GALNT15: variants seen among roughly 807,000 people sequenced by gnomAD.
The protein encoded by GALNT15 is UDP-GalNAc transferase T15.
GALNT15 carries 67 observed loss-of-function variants against 66.8 expected under a neutral mutation model. The ratio of observed to expected loss-of-function variants is 1.00; its 90% CI spans 0.82 to 1.23. The LOEUF (loss-of-function observed/expected upper bound fraction) is 1.23. GALNT15 is among the 50% of genes most tolerant of loss of function. The pLI is 0.00. For synonymous variants in GALNT15, 313 were observed against 311.5 expected (o/e 1.00, Z -0.05); for missense variants, 827 against 804.3 (o/e 1.03, Z -0.34).
Position 16,224,408 on chromosome 3 carries a change from C to A in GALNT15, c.1773+1650C>A, listed in dbSNP as rs185075310. Among the ~76,000 whole-genome samples the A allele has an allele frequency of 4.7e-4, 71 of 152,150 alleles. No individual in the cohort carries two copies. In the East Asian group the frequency reaches 0.013, roughly 27 times the overall value. ...TTATGCTGGTGAAATAAACCCATCA[C>A]AAAAGGACAAAAACTGTATGATTCC... On this transcript the variant is annotated intron_variant, in intron 9 of 9. Transcript: ENST00000339732. This position sits in a 1 kb window ranked among gnomAD's most constrained non-coding sequence, Gnocchi z 5.2.
At position 16,219,906 on chromosome 3, in the gene GALNT15, T is replaced by G; in HGVS notation, c.1525-4T>G. 6.2e-7 allele frequency: 1 copy of G among 1,612,140 alleles called. No homozygotes were observed. The highest frequency in any genetic ancestry group is 8.5e-7 in the Non-Finnish European group (1 of 1,178,210). On this transcript the variant is annotated splice_region_variant and splice_polypyrimidine_tract_variant and intron_variant, in intron 7 of 9. Coordinates refer to ENST00000339732, the MANE Select transcript of GALNT15 (RefSeq NM_054110.5). The surrounding 1 kb of genome is among the most constrained non-coding windows in gnomAD (Gnocchi z 4.3). ...TTCACTCCTGTGTGTGTGTCCACTT[T>G]CAGCTCCACAACACTGGACTTGGGC... is the stretch of plus-strand genomic sequence containing the variant.
At chr3:16,199,985 C>T (rs1019684082) in intron 2 of GALNT15, among the ~76,000 whole-genome samples, 1 of 152,148 alleles carries the variant, frequency 6.6e-6, no homozygotes, top group African/African-American at 2.4e-5. Flanking sequence ...TAAAGAACTG[C>T]CTGAGACTAG....
At chr3:16,208,050 T>C (rs994935987) in intron 3 of GALNT15, among the ~76,000 whole-genome samples, 1 of 152,036 alleles carries the variant, frequency 6.6e-6, no homozygotes, top group African/African-American at 2.4e-5. Context: ...TCAAGAAAGG[T>C]TTTTGAAGAA....
rs1575002443 is a variant in GALNT15 at position 16,227,695 on chromosome 3, A to T, written c.*195A>T. ...TATTTCATTGACTGCTGGCTGCTTT[A>T]AAAAAAAAAAAAAAGGATCCATTGT... On this transcript the variant is annotated 3_prime_UTR_variant, in exon 10 of 10. Transcript: ENST00000339732. This position sits in a 1 kb window ranked among gnomAD's most constrained non-coding sequence, Gnocchi z 4.5. 1.9e-4 allele frequency: 9 copies of T among 48,632 alleles called. No homozygotes were observed. The highest frequency in any genetic ancestry group is 2.5e-4 in the Non-Finnish European group (9 of 35,396). The allele number at this position is 48,632 out of a possible 1,614,324, so 3.0% of individuals were successfully genotyped here. A position where few individuals can be genotyped will look rare whatever the true frequency, so the allele number is the denominator to read the frequency against.
At chr3:16,199,593 C>T (rs114268163) in intron 2 of GALNT15, among the ~76,000 whole-genome samples, 3,557 of 127,146 alleles carry the variant, frequency 0.028, 651 homozygotes, top group African/African-American at 0.098. Context: ...GGTGTACTCT[C>T]AGGGGAAATC....
intron 1 of GALNT15, among the ~76,000 whole-genome samples, chr3:16,185,016 G>T (rs1303240620): frequency 6.6e-6 from 1 of 152,316 alleles, no homozygotes; most frequent in Non-Finnish European, 1.5e-5. Context: ...GCCATTAGAA[G>T]TTGGGCCGTC....
chr3:16,205,117 C>A (rs2063743945), intron 3 of GALNT15, among the ~76,000 whole-genome samples: 1 of 152,196 alleles, frequency 6.6e-6, no homozygotes, highest in Non-Finnish European at 1.5e-5. Context: ...CGTATCTGCC[C>A]CTGGAAAAGC....
chr3:16,212,908 G>T, intron 6 of GALNT15, 145 bp downstream of exon 6: 1 of 680,330 alleles, frequency 1.5e-6, no homozygotes, highest in Non-Finnish European at 2.4e-6. Context: ...ATTTTAAGTG[G>T]CTCCTCCACC....
chr3:16,228,901 C>T lies in GALNT15; in HGVS notation c.*1401C>T. ...TGAATGTCCATGAGTGTGGGAAGAA[C>T]ACGGCTCATCTGGAGCACAGCTGAG... On this transcript the variant is annotated 3_prime_UTR_variant, in exon 10 of 10. Coordinates refer to ENST00000339732, the MANE Select transcript of GALNT15 (RefSeq NM_054110.5). 1.0e-6 allele frequency: 1 copy of T among 985,418 alleles called. No individual in the cohort carries two copies. Among genetic ancestry groups the T allele is most frequent in the Non-Finnish European group, 1.2e-6 (1 of 829,942 alleles). 61.0% of individuals were successfully genotyped at this position (985,418 alleles called of 1,614,324 possible). A position where few individuals can be genotyped will look rare whatever the true frequency, so the allele number is the denominator to read the frequency against.
chr3:16,228,886 T>C lies in GALNT15; in HGVS notation c.*1386T>C, dbSNP rs1217603659. The C allele has an allele frequency of 1.0e-6, 1 of 985,300 alleles. No homozygotes were observed. The highest frequency in any genetic ancestry group is 1.2e-6 in the Non-Finnish European group (1 of 829,952). The allele number at this position is 985,300 out of a possible 1,614,324, so 61.0% of individuals were successfully genotyped here. On this transcript the variant is annotated 3_prime_UTR_variant, in exon 10 of 10. Coordinates refer to ENST00000339732, the MANE Select transcript of GALNT15 (RefSeq NM_054110.5). ...AATGTGTCCACAGGTTGAATGTCCATGAGTGTGGGAAGAACACGGCTCATC... is the reference window on the plus strand; with the variant it reads ...AATGTGTCCACAGGTTGAATGTCCACGAGTGTGGGAAGAACACGGCTCATC...
intron 1 of GALNT15, among the ~76,000 whole-genome samples, chr3:16,194,229 GA>G (rs2063609018): frequency 6.6e-6 from 1 of 152,212 alleles, no homozygotes; most frequent in South Asian, 2.1e-4. Flanking sequence ...AATGTGCAGT[GA>G]TATATTAAAG....
the GALNT15 span, among the ~76,000 whole-genome samples, chr3:16,245,129 C>G: frequency 6.6e-6 from 1 of 152,198 alleles, no homozygotes; most frequent in African/African-American, 2.4e-5. Context: ...TGGCCTCTGT[C>G]TTTCAGGTGG....
At chr3:16,218,762 T>C (rs1181841778) in intron 6 of GALNT15, among the ~76,000 whole-genome samples, 3 of 150,816 alleles carry the variant, frequency 2.0e-5, no homozygotes, top group Admixed American at 6.6e-5. Context: ...TGCCAGCTTC[T>C]GCAGAAAAAT....
rs2064067166 is a variant in GALNT15, at chr3:16,230,059, C to T, written c.*2559C>T. Among the ~76,000 whole-genome samples, 1 of 152,142 alleles carries T rather than the reference C, an allele frequency of 6.6e-6. No individual in the cohort carries two copies. The highest frequency in any genetic ancestry group is 2.4e-5 in the African/African-American group (1 of 41,428). On this transcript the variant is annotated 3_prime_UTR_variant, in exon 10 of 10. Transcript: ENST00000339732. This position sits in a 1 kb window ranked among gnomAD's most constrained non-coding sequence, Gnocchi z 4.5. Reference sequence around the variant, plus strand: ...TCAATTTAAAAGTAGAGAAACTTGTCAGTTGAGAGATCTGATTCCCAAGAG... The same window carrying T: ...TCAATTTAAAAGTAGAGAAACTTGTTAGTTGAGAGATCTGATTCCCAAGAG...
chr3:16,179,781 C>T (rs1479185013), intron 1 of GALNT15, among the ~76,000 whole-genome samples: 4 of 152,092 alleles, frequency 2.6e-5, no homozygotes, highest in Non-Finnish European at 4.4e-5. Flanking sequence ...GGAGGGTCCT[C>T]GGGGCAGAGG....
intron 6 of GALNT15, 57 bp downstream of exon 6, chr3:16,212,820 T>C (rs2063831906): frequency 6.6e-7 from 1 of 1,504,220 alleles, no homozygotes; most frequent in African/African-American, 1.4e-5. Context: ...TAGCAGGAGG[T>C]GGGCCAGGGA....
downstream of GALNT15, among the ~76,000 whole-genome samples, chr3:16,234,610 C>G (rs1232415420): frequency 6.6e-6 from 1 of 152,250 alleles, no homozygotes; most frequent in African/African-American, 2.4e-5. Context: ...CACTTCCTTA[C>G]TAGTGTTTCC....
intron 3 of GALNT15, among the ~76,000 whole-genome samples, chr3:16,206,671 T>TAAAAAAAA (rs1170870767): frequency 1.8e-3 from 110 of 59,650 alleles, no homozygotes; most frequent in Non-Finnish European, 2.4e-3. Context: ...AGACTCTGTC[T>TAAAAAAAA]AAAAAAAAAA....
chr3:16,232,474 ATATATATATATATATAT>A (rs2064092912), downstream of GALNT15, among the ~76,000 whole-genome samples: 59 of 51,770 alleles, frequency 1.1e-3, no homozygotes, highest in African/African-American at 3.8e-3. Flanking sequence ...AAATAAATAT[ATATATATATATATATAT>A]ATATATATAT....
Sources: gnomAD v4.1 joint callset for allele counts (sites outside exome capture counted in the v4.1 genomes callset) on GRCh38, gnomAD v4.1.1 for gene constraint, Gnocchi (gnomAD v3.1) non-coding constraint, MANE v1.5 for transcripts, NCBI Gene and HGNC (gene_info 2026-07-23, HGNC 2026-07-21) for gene names.